Variants in KHNYN observed in about 807,000 individuals in gnomAD.
KHNYN encodes KH and NYN domain containing.
In KHNYN, 42 loss-of-function variants were observed where a neutral mutation model predicts 62.7. The ratio of observed to expected loss-of-function variants is 0.67; its 90% CI spans 0.52 to 0.87. The LOEUF (loss-of-function observed/expected upper bound fraction) is 0.87. Among genes scored for constraint, KHNYN ranks in the 40% least tolerant of loss-of-function variants. The probability of loss-of-function intolerance (pLI) is 0.00; values close to 1 mark genes in which losing one functional copy is unlikely to be tolerated. For synonymous variants in KHNYN, 347 were observed against 345.6 expected (o/e 1.00, Z -0.04); for missense variants, 829 against 874.1 (o/e 0.95, Z 0.65).
chr14:24,427,660 G>T, upstream of KHNYN: 1 of 854,002 alleles, frequency 1.2e-6, no homozygotes, highest in Non-Finnish European at 1.9e-6. This position sits in a 1 kb window ranked among gnomAD's most constrained non-coding sequence, Gnocchi z 4.4. Flanking sequence ...GTTTGGCACA[G>T]GGTCCCATGC....
rs1284006853 is a variant in KHNYN, at chr14:24,430,519, C to T, written c.-17-195C>T. The T allele has an allele frequency of 3.6e-6, 5 of 1,395,070 alleles. No individual in the cohort carries two copies. The Admixed American group carries it at 9.2e-5, about 26-fold the overall frequency. The allele number at this position is 1,395,070 out of a possible 1,614,324, so 86.4% of individuals were successfully genotyped here. On this transcript the variant is annotated intron_variant, in intron 1 of 7. Coordinates refer to ENST00000553935, the MANE Select transcript of KHNYN (RefSeq NM_015299.3). ...ACTCTCGATAGACAGCCTTGTTTAC[C>T]GGGACTTCCTCTCCGGAGAGGCCTG...
At chr14:24,426,357 T>G (rs2139366309), upstream of KHNYN, among the ~76,000 whole-genome samples, 1 of 152,340 alleles carries the variant, frequency 6.6e-6, no homozygotes, top group Non-Finnish European at 1.5e-5. Flanking sequence ...CTGAGGGTTT[T>G]TGGTATTTTT....
the KHNYN span, among the ~76,000 whole-genome samples, chr14:24,423,452 G>C: frequency 3.9e-5 from 6 of 152,306 alleles, no homozygotes; most frequent in African/African-American, 1.2e-4. Context: ...GAGACAGGCA[G>C]GAGGAAGCAG....
Position 24,440,405 on chromosome 14 carries a change from T to C in KHNYN, c.*3120T>C, listed in dbSNP as rs771499741. 28 of 1,613,672 alleles carry C rather than the reference T, an allele frequency of 1.7e-5. No individual in the cohort carries two copies. The African/African-American group carries it at 3.3e-4, about 19-fold the overall frequency. Reference sequence around the variant, plus strand: ...GATGTGTATCCAGGGGAAGAATTGGTGGCCTGAGCCGATGGGGCCCCCCAG... The same window carrying C: ...GATGTGTATCCAGGGGAAGAATTGGCGGCCTGAGCCGATGGGGCCCCCCAG... On this transcript the variant is annotated 3_prime_UTR_variant, in exon 8 of 8. Coordinates refer to ENST00000553935, the MANE Select transcript of KHNYN (RefSeq NM_015299.3).
chr14:24,440,475 C>T lies in KHNYN; in HGVS notation c.*3190C>T, dbSNP rs1397275450. The T allele has an allele frequency of 6.2e-7, 1 of 1,606,222 alleles. No individual in the cohort carries two copies. The highest frequency in any genetic ancestry group is 1.7e-5 in the Admixed American group (1 of 58,632). ...AGCATGTGGCCCATGGCACCACCCC[C>T]ACGGCCCAGCACAACCCCTAGAGCA... On this transcript the variant is annotated 3_prime_UTR_variant, in exon 8 of 8. Coordinates refer to ENST00000553935, the MANE Select transcript of KHNYN (RefSeq NM_015299.3).
At chr14:24,428,728 T>TC, upstream of KHNYN, 1 of 1,542,890 alleles carries the variant, frequency 6.5e-7, no homozygotes, top group Non-Finnish European at 8.8e-7. Flanking sequence ...TCTTTCCAGG[T>TC]CCCCTGGACA....
upstream of KHNYN, chr14:24,429,061 G>C: frequency 1.3e-6 from 2 of 1,487,908 alleles, no homozygotes; most frequent in South Asian, 2.6e-5. Context: ...ACATGGCTGA[G>C]GGGCTCTGCA....
At chr14:24,434,354 AT>A in intron 5 of KHNYN, 1 of 985,420 alleles carries the variant, frequency 1.0e-6, no homozygotes, top group Non-Finnish European at 1.2e-6. Flanking sequence ...TCATAGTAAA[AT>A]ATGCTTAACT....
upstream of KHNYN, chr14:24,426,907 A>C (rs768778710): frequency 2.6e-5 from 4 of 152,450 alleles, no homozygotes; most frequent in Non-Finnish European, 4.4e-5. Context: ...AGCTGGGAGG[A>C]AGGAGGCAGC....
rs773177357 is a variant in KHNYN at position 24,440,845 on chromosome 14, G to A, written c.*3560G>A. The A allele has an allele frequency of 1.9e-6, 3 of 1,613,946 alleles. No homozygotes were observed. The highest frequency in any genetic ancestry group is 1.7e-6 in the Non-Finnish European group (2 of 1,179,874). On this transcript the variant is annotated 3_prime_UTR_variant, in exon 8 of 8. Coordinates refer to ENST00000553935, the MANE Select transcript of KHNYN (RefSeq NM_015299.3). ...AAGCCTGGCTGCAGCTTCCCATTTG[G>A]TTACGAGGTTGGAGAAAAAGTCAAA...
Position 24,432,396 on chromosome 14 carries a change from C to T in KHNYN, c.1135C>T (p.Arg379Trp), listed in dbSNP as rs752693062. Reference sequence around the variant, plus strand: ...TGGAGACCGGGGTGACTGCGGAGACCGGGGAGACGTGGGGGACAGGGGAGA... The same window carrying T: ...TGGAGACCGGGGTGACTGCGGAGACTGGGGAGACGTGGGGGACAGGGGAGA... ...HCGDRGDCGD[R>W]GDVGDRGDKQ... Residue 379 changes from arginine (R) to tryptophan (W), a missense_variant, in exon 3 of 8, where the codon CGG becomes TGG. Arg to Trp is a moderately radical substitution (Grantham distance 101). Coordinates refer to ENST00000553935, the MANE Select transcript of KHNYN (RefSeq NM_015299.3). The surrounding 1 kb of genome is among the most constrained non-coding windows in gnomAD (Gnocchi z 5.6). The T allele has an allele frequency of 1.8e-5, 29 of 1,613,446 alleles. No individual in the cohort carries two copies. In the Admixed American group the frequency reaches 3.0e-4, roughly 17 times the overall value.
At chr14:24,430,412 T>A in intron 1 of KHNYN, 7 of 1,190,242 alleles carry the variant, frequency 5.9e-6, no homozygotes, top group Non-Finnish European at 7.4e-6. Context: ...AGGAGACTCC[T>A]TCTGGCCTCC....
intron 7 of KHNYN, among the ~76,000 whole-genome samples, 196 bp downstream of exon 7, chr14:24,436,685 C>T (rs924857135): frequency 1.3e-5 from 2 of 152,214 alleles, no homozygotes; most frequent in Non-Finnish European, 2.9e-5. Context: ...AGGGAAACAC[C>T]TGCTTCCTGT....
upstream of KHNYN, chr14:24,428,961 C>A (rs1261650250): frequency 1.3e-6 from 2 of 1,551,600 alleles, no homozygotes; most frequent in African/African-American, 2.7e-5. Context: ...CCCTCCTGGG[C>A]CCACCCGGCC....
rs2139396154 is a variant in KHNYN at position 24,436,565 on chromosome 14, G to A, written c.1787+76G>A. ...CTCAGCAGGCCCAGAGACTTGGGTG[G>A]AAGTGTGACCTCAGTTTGGGCCAGC... On this transcript the variant is annotated intron_variant, in intron 7 of 7. Coordinates refer to ENST00000553935, the MANE Select transcript of KHNYN (RefSeq NM_015299.3). 21 of 1,095,132 alleles carry A rather than the reference G, an allele frequency of 1.9e-5. No individual in the cohort carries two copies. In the South Asian group the frequency reaches 2.9e-4, roughly 15 times the overall value. 67.8% of individuals were successfully genotyped at this position (1,095,132 alleles called of 1,614,324 possible). A position where few individuals can be genotyped will look rare whatever the true frequency, so the allele number is the denominator to read the frequency against.
chr14:24,429,990 G>T lies in KHNYN; in HGVS notation c.-147G>T. On this transcript the variant is annotated 5_prime_UTR_variant, in exon 1 of 8. Coordinates refer to ENST00000553935, the MANE Select transcript of KHNYN (RefSeq NM_015299.3). ...GATGTGGACAAGAGAGGTCCCCGCTGGGTGAGGAACCCGGGAAGGCCCGCC... is the reference window on the plus strand; with the variant it reads ...GATGTGGACAAGAGAGGTCCCCGCTTGGTGAGGAACCCGGGAAGGCCCGCC... 2 of 986,160 alleles carry T rather than the reference G, an allele frequency of 2.0e-6. No homozygotes were observed. The highest frequency in any genetic ancestry group is 2.4e-6 in the Non-Finnish European group (2 of 830,186). 61.1% of individuals were successfully genotyped at this position (986,160 alleles called of 1,614,324 possible).
Position 24,431,654 on chromosome 14 carries a change from T to C in KHNYN, c.393T>C (p.Ala131=). ...ISGLTEAFVM[A]QSRVEELAER... ...GCCTGACTGAAGCCTTTGTCATGGC[T>C]CAGAGCCGGGTAGAAGAGCTGGCAG... Residue 131 remains alanine (A), a synonymous_variant, in exon 3 of 8, where the codon GCT becomes GCC. Transcript: ENST00000553935. The C allele has an allele frequency of 6.2e-7, 1 of 1,614,104 alleles. No individual in the cohort carries two copies. Among genetic ancestry groups the C allele is most frequent in the Non-Finnish European group, 8.5e-7 (1 of 1,180,008 alleles).
At position 24,439,206 on chromosome 14, in the gene KHNYN, G is replaced by A. The variant is rs900384006; in HGVS notation, c.*1921G>A. The A allele has an allele frequency of 2.6e-5, 4 of 152,042 alleles. No homozygotes were observed. Among genetic ancestry groups the A allele is most frequent in the Non-Finnish European group, 4.4e-5 (3 of 67,994 alleles). The allele number at this position is 152,042 out of a possible 1,614,324, so 9.4% of individuals were successfully genotyped here. On this transcript the variant is annotated 3_prime_UTR_variant, in exon 8 of 8. Transcript: ENST00000553935. Reference sequence around the variant, plus strand: ...TGGAGTTTTTTTTTTTCCTGATAGGGTTGTTTATACTTCTTGATTGGTTTC... The same window carrying A: ...TGGAGTTTTTTTTTTTCCTGATAGGATTGTTTATACTTCTTGATTGGTTTC...
Position 24,432,616 on chromosome 14 carries a change from T to C in KHNYN, c.1349+6T>C, listed in dbSNP as rs762778196. 34 of 1,607,082 alleles carry C rather than the reference T, an allele frequency of 2.1e-5. No homozygotes were observed. The highest frequency in any genetic ancestry group is 2.6e-5 in the Non-Finnish European group (31 of 1,175,100). ...GGCAGCAACGTGGCCATGGTGTGAG[T>C]ACCTGGTGGGGCTAAGGGCCTAGGA... On this transcript the variant is annotated splice_donor_region_variant and intron_variant, in intron 3 of 7. Transcript: ENST00000553935. The surrounding 1 kb of genome is among the most constrained non-coding windows in gnomAD (Gnocchi z 5.6).
Sources: gnomAD v4.1 joint callset for allele counts (sites outside exome capture counted in the v4.1 genomes callset) on GRCh38, gnomAD v4.1.1 for gene constraint, Gnocchi (gnomAD v3.1) non-coding constraint, MANE v1.5 for transcripts, NCBI Gene and HGNC (gene_info 2026-07-23, HGNC 2026-07-21) for gene names.